The following LMNB1 variants were observed in gnomAD, a reference collection of about 807,000 sequenced individuals.
LMNB1 encodes the protein lamin B1.
A neutral mutation model predicts 67.1 loss-of-function variants in LMNB1; 23 were observed. That is an observed-to-expected ratio of 0.34 (90% CI 0.25 to 0.49). The LOEUF (loss-of-function observed/expected upper bound fraction) is 0.49, where lower values mean the gene tolerates loss of function less well. Ranked by LOEUF, LMNB1 falls within the 20% of genes least tolerant of loss-of-function variation. The pLI is 0.99. For synonymous variants in LMNB1, 281 were observed against 282.9 expected (o/e 0.99, Z 0.07); for missense variants, 634 against 746.5 (o/e 0.85, Z 1.76).
intron 1 of LMNB1, among the ~76,000 whole-genome samples, chr5:126,784,347 T>C (rs941514191): frequency 6.8e-6 from 1 of 148,084 alleles, no homozygotes; most frequent in Non-Finnish European, 1.5e-5. Context: ...TTTGAATTTT[T>C]ATTATTTTAT....
chr5:126,778,817 C>T (rs528232638), intron 1 of LMNB1, among the ~76,000 whole-genome samples: 33 of 152,238 alleles, frequency 2.2e-4, no homozygotes, highest in African/African-American at 7.5e-4. Flanking sequence ...GGGCAGGTGA[C>T]AGGGTGCTGT....
chr5:126,822,212 A>G (rs1751887543), intron 7 of LMNB1, among the ~76,000 whole-genome samples: 1 of 151,746 alleles, frequency 6.6e-6, no homozygotes, highest in African/African-American at 2.4e-5. Context: ...CTGGTCTCCA[A>G]CTCCTGACCT....
intron 4 of LMNB1, among the ~76,000 whole-genome samples, chr5:126,810,574 G>A (rs1022156654): frequency 2.6e-5 from 4 of 152,158 alleles, no homozygotes; most frequent in African/African-American, 7.2e-5. Context: ...AATTTTATTA[G>A]AGGTTAGGTT....
intron 1 of LMNB1, among the ~76,000 whole-genome samples, chr5:126,784,500 CA>C (rs1474519422): frequency 1.3e-5 from 2 of 151,548 alleles, no homozygotes; most frequent in African/African-American, 4.8e-5. Context: ...GGATTACAGG[CA>C]CGTGCCACCA....
rs35792214 is a variant in LMNB1 at position 126,784,658 on chromosome 5, A to ATTT, written c.359+6804_359+6806dup. 7.5e-3 allele frequency among the ~76,000 whole-genome samples: 855 copies of ATTT among 113,334 alleles called. 6 individuals are homozygous for ATTT. The highest frequency in any genetic ancestry group is 0.012 in the Non-Finnish European group (680 of 55,210). The allele number at this position is 113,334 out of a possible 152,430, so 74.4% of individuals were successfully genotyped here. A position where few individuals can be genotyped will look rare whatever the true frequency, so the allele number is the denominator to read the frequency against. Reference sequence around the variant, plus strand: ...GCGTGAGCCACCGTGCCTGGCTTGAATTTTTTTTTTTTTTTGAGACGGAGT... The same window carrying ATTT: ...GCGTGAGCCACCGTGCCTGGCTTGAATTTTTTTTTTTTTTTTTTGAGACGGAGT... On this transcript the variant is annotated intron_variant, in intron 1 of 10. Coordinates refer to ENST00000261366, the MANE Select transcript of LMNB1 (RefSeq NM_005573.4).
At chr5:126,835,920 C>T (rs1419900738) in intron 10 of LMNB1, among the ~76,000 whole-genome samples, 1 of 152,118 alleles carries the variant, frequency 6.6e-6, no homozygotes, top group Admixed American at 6.6e-5. Context: ...GTGATGCACA[C>T]CTGTAGTCGC....
At chr5:126,832,600 A>G (rs1752160996) in intron 9 of LMNB1, 94 bp from the exon 10 acceptor site, 1 of 870,474 alleles carries the variant, frequency 1.1e-6, no homozygotes. Context: ...GCGCCTGGCA[A>G]GAAATGCTGT....
At chr5:126,784,031 T>G (rs1382855671) in intron 1 of LMNB1, among the ~76,000 whole-genome samples, 1 of 142,384 alleles carries the variant, frequency 7.0e-6, no homozygotes, top group South Asian at 2.3e-4. Flanking sequence ...TTTTTTTTTT[T>G]TTTTTTTTTT....
In LMNB1 at chr5:126,836,956, G is replaced by T; in HGVS notation, c.*692G>T. The T allele has an allele frequency of 2.5e-6, 1 of 398,242 alleles. No homozygotes were observed. Among genetic ancestry groups the T allele is most frequent in the Non-Finnish European group, 4.4e-6 (1 of 225,894 alleles). 24.7% of individuals were successfully genotyped at this position (398,242 alleles called of 1,614,324 possible). A position where few individuals can be genotyped will look rare whatever the true frequency, so the allele number is the denominator to read the frequency against. On this transcript the variant is annotated 3_prime_UTR_variant, in exon 11 of 11. Coordinates refer to ENST00000261366, the MANE Select transcript of LMNB1 (RefSeq NM_005573.4). ...AAAATGCATTCGTTGTGTTTTTTAA[G>T]ATAGTGTAACTTGCTTAAATTTCTT...
chr5:126,807,453 A>G (rs564432791), intron 3 of LMNB1, among the ~76,000 whole-genome samples: 15 of 152,344 alleles, frequency 9.8e-5, no homozygotes, highest in African/African-American at 3.6e-4. Flanking sequence ...GACAACTCTT[A>G]GTGTCAGTTT....
rs1751040834 is a variant in LMNB1, at chr5:126,794,502, G to C, written c.360-10274G>C. Among the ~76,000 whole-genome samples, 4 of 152,310 alleles carry C rather than the reference G, an allele frequency of 2.6e-5. 1 individual carries two copies. Among genetic ancestry groups the C allele is most frequent in the African/African-American group, 9.6e-5 (4 of 41,574 alleles). On this transcript the variant is annotated intron_variant, in intron 1 of 10. Transcript: ENST00000261366. ...AGGTTTATTTTTTCTCTAAAGGTCT[G>C]GAGCATGGCTAGATATAAGAGACAT...
intron 1 of LMNB1, among the ~76,000 whole-genome samples, chr5:126,801,206 C>G (rs1234431068): frequency 6.6e-6 from 1 of 151,300 alleles, no homozygotes; most frequent in African/African-American, 2.4e-5. Flanking sequence ...GCTAGTCTCC[C>G]TTCCAAAGTG....
rs370881377 is a variant in LMNB1 at position 126,826,027 on chromosome 5, A to C, written c.1531A>C (p.Thr511Pro). 1 of 1,613,908 alleles carries C rather than the reference A, an allele frequency of 6.2e-7. No individual in the cohort carries two copies. Among genetic ancestry groups the C allele is most frequent in the African/African-American group, 1.3e-5 (1 of 74,926 alleles). ...ANAGVTASPPTDLIWKNQNSW... is the reference protein window; with the variant it reads ...ANAGVTASPPPDLIWKNQNSW... ...CGCTGGTGTCACAGCCAGCCCCCCA[A>C]CTGACCTCATCTGGAAGAACCAGAA... The change falls in exon 9 of 11, where the codon ACT (threonine) becomes CCT (proline). Residue 511 changes from threonine (T) to proline (P), a missense_variant. Thr to Pro is a conservative substitution (Grantham distance 38). Transcript: ENST00000261366.
intron 1 of LMNB1, among the ~76,000 whole-genome samples, chr5:126,797,490 G>T (rs1751133700): frequency 6.6e-6 from 1 of 152,162 alleles, no homozygotes; most frequent in Admixed American, 6.6e-5. Context: ...GTGTTAGATA[G>T]CTTCTAGTAA....
At position 126,808,659 on chromosome 5, in the gene LMNB1, T is replaced by A. The variant is rs558018902; in HGVS notation, c.643-1521T>A. Among the ~76,000 whole-genome samples, 3 of 152,292 alleles carry A rather than the reference T, an allele frequency of 2.0e-5. No individual in the cohort carries two copies. The East Asian group carries it at 5.8e-4, about 29-fold the overall frequency. On this transcript the variant is annotated intron_variant, in intron 3 of 10. Transcript: ENST00000261366. ...CAGTATTTTTGTGATTTAGGTATTA[T>A]TTGCTTCATGAAATAGATGTGATCT...
chr5:126,836,460 A>AGAT lies in LMNB1; in HGVS notation c.*198_*200dup, dbSNP rs1175767351. 5 of 502,252 alleles carry AGAT rather than the reference A, an allele frequency of 1.0e-5. No homozygotes were observed. Among genetic ancestry groups the AGAT allele is most frequent in the African/African-American group, 1.9e-5 (1 of 51,358 alleles). The allele number at this position is 502,252 out of a possible 1,614,324, so 31.1% of individuals were successfully genotyped here. ...AATCATGTCCATACACTTTGTTGCA[A>AGAT]GATGTGAATTATTGACACTGAACTT... On this transcript the variant is annotated 3_prime_UTR_variant, in exon 11 of 11. Coordinates refer to ENST00000261366, the MANE Select transcript of LMNB1 (RefSeq NM_005573.4).
intron 5 of LMNB1, among the ~76,000 whole-genome samples, chr5:126,813,149 A>G (rs1240533053): frequency 6.6e-6 from 1 of 152,272 alleles, no homozygotes; most frequent in Non-Finnish European, 1.5e-5. Context: ...AAAGCAGAAA[A>G]TGAGTCCCAT....
At chr5:126,793,977 C>T (rs1434573189) in intron 1 of LMNB1, among the ~76,000 whole-genome samples, 7 of 151,992 alleles carry the variant, frequency 4.6e-5, no homozygotes. Context: ...CTTTGTTGCC[C>T]AGGCTGGAGT....
chr5:126,794,117 A>G (rs777247102), intron 1 of LMNB1, among the ~76,000 whole-genome samples: 1 of 151,770 alleles, frequency 6.6e-6, no homozygotes, highest in Admixed American at 6.6e-5. Context: ...GTATTTTTGT[A>G]TTTCACCATG....
Sources: allele counts gnomAD v4.1 joint callset (sites outside exome capture counted in the v4.1 genomes callset), GRCh38; gene constraint gnomAD v4.1.1; transcripts MANE v1.5; gene names NCBI Gene and HGNC (gene_info 2026-07-23, HGNC 2026-07-21).